Variants in ZHX2 observed in about 807,000 individuals in gnomAD.
ZHX2 encodes zinc fingers and homeoboxes 2.
A neutral mutation model predicts 21.9 loss-of-function variants in ZHX2; 6 were observed. The observed-to-expected ratio is 0.27, with a 90% confidence interval of 0.15 to 0.54. The LOEUF is 0.54. Ranked by LOEUF, ZHX2 falls within the 20% of genes least tolerant of loss-of-function variation. The probability of loss-of-function intolerance (pLI) is 0.95; values close to 1 mark genes in which losing one functional copy is unlikely to be tolerated. For synonymous variants in ZHX2, 434 were observed against 437.1 expected, an observed-to-expected ratio of 0.99 and a Z score of 0.09; for missense variants, 908 against 1,090.7, an observed-to-expected ratio of 0.83 and a Z score of 2.36.
rs562730389 is a variant in ZHX2 at position 122,830,399 on chromosome 8, T to G, written c.-282-33078T>G. 2.0e-5 allele frequency among the ~76,000 whole-genome samples: 3 copies of G among 152,310 alleles called. No individual in the cohort carries two copies. The East Asian group carries it at 5.8e-4, about 29-fold the overall frequency. On this transcript the variant is annotated intron_variant, in intron 1 of 3. Coordinates refer to ENST00000314393, the MANE Select transcript of ZHX2 (RefSeq NM_014943.5). ...ACTGGGCCTGAGAAGGGAGGAGTTA[T>G]TCATCCCCTTAAGCTTTCAGGCCCC...
intron 1 of ZHX2, among the ~76,000 whole-genome samples, chr8:122,786,788 C>T (rs1007724091): frequency 1.3e-5 from 2 of 151,722 alleles, no homozygotes; most frequent in Non-Finnish European, 2.9e-5. Flanking sequence ...ACCACACGTA[C>T]GGTACCAGCA....
At chr8:122,918,734 C>T (rs1331913879) in intron 2 of ZHX2, among the ~76,000 whole-genome samples, 4 of 152,092 alleles carry the variant, frequency 2.6e-5, no homozygotes, top group Admixed American at 2.0e-4. Flanking sequence ...ATCACAAGGT[C>T]AGGAGATCAA....
At chr8:122,929,479 C>T (rs1343817303) in intron 2 of ZHX2, among the ~76,000 whole-genome samples, 2 of 152,036 alleles carry the variant, frequency 1.3e-5, no homozygotes, top group Non-Finnish European at 2.9e-5. Flanking sequence ...CCTGTGTCTA[C>T]TAAACATACA....
chr8:122,929,958 G>A (rs1056091141), intron 2 of ZHX2, among the ~76,000 whole-genome samples: 11 of 152,126 alleles, frequency 7.2e-5, no homozygotes, highest in East Asian at 3.8e-4. Flanking sequence ...TCAGCAGGCC[G>A]GCTCCATGCT....
intron 2 of ZHX2, among the ~76,000 whole-genome samples, chr8:122,891,270 TTGTGTGTGTGTGTGTGTGTGTGTG>T (rs59893492): frequency 1.0e-4 from 8 of 77,668 alleles, no homozygotes; most frequent in African/African-American, 2.7e-4. Flanking sequence ...TCTTGGTAGA[TTGTGTGTGTGTGTGTGTGTGTGTG>T]TGTGTGTGTG....
intron 2 of ZHX2, among the ~76,000 whole-genome samples, chr8:122,870,645 A>C (rs1168285827): frequency 8.5e-6 from 1 of 117,188 alleles, no homozygotes; most frequent in Non-Finnish European, 1.6e-5. Context: ...TCTCAAAAAA[A>C]AAAAAAAAAA....
chr8:122,897,742 C>A (rs137990235), intron 2 of ZHX2, among the ~76,000 whole-genome samples: 1 of 151,634 alleles, frequency 6.6e-6, no homozygotes, highest in Non-Finnish European at 1.5e-5. Flanking sequence ...TGGTTCATGG[C>A]AAAGCCTCTT....
intron 2 of ZHX2, among the ~76,000 whole-genome samples, chr8:122,945,891 T>G: frequency 6.6e-6 from 1 of 152,190 alleles, no homozygotes; most frequent in Non-Finnish European, 1.5e-5. Flanking sequence ...GATGGTGTGA[T>G]GACTGGCTGG....
chr8:122,813,995 G>A (rs991198863), intron 1 of ZHX2, among the ~76,000 whole-genome samples: 6 of 152,176 alleles, frequency 3.9e-5, no homozygotes, highest in Admixed American at 6.5e-5. Context: ...AAGCTGAGAT[G>A]AATTGGTGAA....
In ZHX2 at chr8:122,945,436, C is replaced by CAAAAAAAAA. The variant is rs60890533; in HGVS notation, c.-219-5837_-219-5829dup. On this transcript the variant is annotated intron_variant, in intron 2 of 3. Transcript: ENST00000314393. ...CTCTTTTATATAAACCCTGTCTCTG[C>CAAAAAAAAA]AAAAAAAAAAAAAAAAAAAAAAAAA... 2.0e-3 allele frequency among the ~76,000 whole-genome samples: 151 copies of CAAAAAAAAA among 73,662 alleles called. 26 individuals are homozygous for CAAAAAAAAA. The highest frequency in any genetic ancestry group is 7.4e-3 in the African/African-American group (118 of 15,986). The allele number at this position is 73,662 out of a possible 152,430, so 48.3% of individuals were successfully genotyped here.
intron 1 of ZHX2, among the ~76,000 whole-genome samples, chr8:122,794,806 C>A (rs1586574722): frequency 6.6e-6 from 1 of 152,170 alleles, no homozygotes; most frequent in East Asian, 1.9e-4. Context: ...CCCTTTCATT[C>A]TTTCTCTTAA....
At chr8:122,865,898 C>A in intron 2 of ZHX2, among the ~76,000 whole-genome samples, 1 of 152,196 alleles carries the variant, frequency 6.6e-6, no homozygotes, top group East Asian at 1.9e-4. Flanking sequence ...CAATCCCCAC[C>A]GGTTAGCACA....
At chr8:122,810,199 G>A (rs1817898324) in intron 1 of ZHX2, among the ~76,000 whole-genome samples, 1 of 152,198 alleles carries the variant, frequency 6.6e-6, no homozygotes, top group East Asian at 1.9e-4. Context: ...TTAAGAACTG[G>A]CACAGCCACT....
At position 122,789,474 on chromosome 8, in the gene ZHX2, C is replaced by T. The variant is rs140261251; in HGVS notation, c.-283+7528C>T. On this transcript the variant is annotated intron_variant, in intron 1 of 3. Coordinates refer to ENST00000314393, the MANE Select transcript of ZHX2 (RefSeq NM_014943.5). Reference sequence around the variant, plus strand: ...AACTTATTTTCATTTGCATGGCACCCTGTCTTTTTGAAGATAGATTAAGAT... The same window carrying T: ...AACTTATTTTCATTTGCATGGCACCTTGTCTTTTTGAAGATAGATTAAGAT... Among the ~76,000 whole-genome samples, 43 of 152,322 alleles carry T rather than the reference C, an allele frequency of 2.8e-4. No individual in the cohort carries two copies. In the East Asian group the frequency reaches 4.1e-3, roughly 14 times the overall value.
intron 1 of ZHX2, among the ~76,000 whole-genome samples, chr8:122,836,911 A>G (rs943393586): frequency 6.6e-6 from 1 of 152,208 alleles, no homozygotes; most frequent in South Asian, 2.1e-4. Context: ...TCTAAGGCAC[A>G]GGATGAGGTA....
intron 2 of ZHX2, among the ~76,000 whole-genome samples, chr8:122,892,304 T>C (rs987626852): frequency 1.3e-5 from 2 of 152,246 alleles, no homozygotes; most frequent in African/African-American, 4.8e-5. Context: ...ATTTTCTGTC[T>C]ATGTGCGTCT....
rs113049622 is a variant in ZHX2, at chr8:122,871,329, C to T, written c.-220+7790C>T. Among the ~76,000 whole-genome samples the T allele has an allele frequency of 1.1e-3, 170 of 151,806 alleles. 1 individual carries two copies. The highest frequency in any genetic ancestry group is 4.0e-3 in the African/African-American group (164 of 41,362). On this transcript the variant is annotated intron_variant, in intron 2 of 3. Coordinates refer to ENST00000314393, the MANE Select transcript of ZHX2 (RefSeq NM_014943.5). Reference sequence around the variant, plus strand: ...TTAAGAAAACGTGGCACATATACACCATGGAATACTAAGCAGCCATAAAAA... The same window carrying T: ...TTAAGAAAACGTGGCACATATACACTATGGAATACTAAGCAGCCATAAAAA...
chr8:122,959,893 G>A (rs1024918480), intron 3 of ZHX2, among the ~76,000 whole-genome samples: 1 of 152,146 alleles, frequency 6.6e-6, no homozygotes, highest in African/African-American at 2.4e-5. Context: ...TGGGTGACTT[G>A]TGGAGGCTTA....
chr8:122,879,555 T>A (rs1025477882), intron 2 of ZHX2, among the ~76,000 whole-genome samples: 1 of 150,882 alleles, frequency 6.6e-6, no homozygotes, highest in Admixed American at 6.6e-5. Flanking sequence ...AACTCAATAC[T>A]TTGAGTTTAT....
Sources: gnomAD v4.1 joint callset for allele counts (sites outside exome capture counted in the v4.1 genomes callset) on GRCh38, gnomAD v4.1.1 for gene constraint, MANE v1.5 for transcripts, NCBI Gene and HGNC (gene_info 2026-07-23, HGNC 2026-07-21) for gene names.